The following PTP4A3 variants were observed in gnomAD, a reference collection of about 807,000 sequenced individuals.
PTP4A3 encodes the protein protein tyrosine phosphatase type IVA 3.
Under a neutral mutation model 15.2 loss-of-function variants are expected in PTP4A3, and 9 were observed. The ratio of observed to expected loss-of-function variants is 0.59; its 90% confidence interval spans 0.36 to 1.03. The LOEUF is 1.03. Among genes scored for constraint, PTP4A3 ranks in the 50% least tolerant of loss-of-function variants. PTP4A3 has a pLI of 0.02. For missense variants in PTP4A3, 234 were observed against 252.1 expected (o/e 0.93, Z 0.49); for synonymous variants, 95 against 102.0 (o/e 0.93, Z 0.41).
Position 141,432,004 on chromosome 8 carries a change from T to A in PTP4A3, c.*960T>A, listed in dbSNP as rs999602601. On this transcript the variant is annotated 3_prime_UTR_variant, in exon 6 of 6. Transcript: ENST00000521578. ...TGCCACCTGGGCACCTGGGGCTGGA[T>A]GTGAGAGGCCTGGACCAGGGCCCGC... 6.6e-6 allele frequency: 1 copy of A among 152,150 alleles called. No homozygotes were observed. The highest frequency in any genetic ancestry group is 1.5e-5 in the Non-Finnish European group (1 of 68,100). The allele number at this position is 152,150 out of a possible 1,614,324, so 9.4% of individuals were successfully genotyped here.
chr8:141,417,827 C>T (rs1481781918), intron 1 of PTP4A3, among the ~76,000 whole-genome samples: 1 of 152,012 alleles, frequency 6.6e-6, no homozygotes, highest in Non-Finnish European at 1.5e-5. Context: ...GTGTGGGAGC[C>T]CCCGGCAGCC....
chr8:141,396,707 C>T (rs565324295), intron 1 of PTP4A3, among the ~76,000 whole-genome samples: 4 of 152,278 alleles, frequency 2.6e-5, no homozygotes, highest in African/African-American at 7.2e-5. Context: ...GGTGGGGAGA[C>T]GGTGGCCTCG....
intron 2 of PTP4A3, 99 bp downstream of exon 2, chr8:141,422,444 C>A: frequency 1.5e-6 from 2 of 1,328,948 alleles, no homozygotes; most frequent in Non-Finnish European, 1.1e-6. Flanking sequence ...CCAGCCCCGG[C>A]TGGCCAGACA....
At chr8:141,430,700 G>T (rs1279075588) in intron 5 of PTP4A3, among the ~76,000 whole-genome samples, 4 of 152,158 alleles carry the variant, frequency 2.6e-5, no homozygotes, top group Non-Finnish European at 5.9e-5. Flanking sequence ...GGAGGAGGTG[G>T]CGCTTTGGTG....
At chr8:141,403,854 A>C (rs1185075752) in intron 1 of PTP4A3, among the ~76,000 whole-genome samples, 1 of 152,216 alleles carries the variant, frequency 6.6e-6, no homozygotes, top group Non-Finnish European at 1.5e-5. Context: ...CTGTATTGCC[A>C]CGCATTCGTC....
rs529248892 is a variant in PTP4A3, at chr8:141,405,367, C to T, written c.-854+13283C>T. 1.4e-4 allele frequency among the ~76,000 whole-genome samples: 22 copies of T among 152,338 alleles called. No homozygotes were observed. The South Asian group carries it at 4.6e-3, about 32-fold the overall frequency. On this transcript the variant is annotated intron_variant, in intron 1 of 5. Transcript: ENST00000521578. ...AGACACCCAGCAGACGCTCCTTCCT[C>T]CAGGCCCCCCAACCTCCGGGTCCCT...
chr8:141,426,302 C>T (rs1385783502), intron 3 of PTP4A3, among the ~76,000 whole-genome samples: 1 of 152,216 alleles, frequency 6.6e-6, no homozygotes, highest in Non-Finnish European at 1.5e-5. Flanking sequence ...CTCACGTTGC[C>T]CACCGATCTA....
chr8:141,414,267 G>C (rs1563730818), intron 1 of PTP4A3, among the ~76,000 whole-genome samples: 2 of 152,232 alleles, frequency 1.3e-5, no homozygotes, highest in Non-Finnish European at 2.9e-5. Flanking sequence ...CCACTCGCTG[G>C]ACATTAGGCC....
intron 4 of PTP4A3, 148 bp from the exon 5 acceptor site, chr8:141,427,602 G>T: frequency 1.5e-6 from 1 of 655,820 alleles, no homozygotes; most frequent in Non-Finnish European, 2.6e-6. Flanking sequence ...AGGCTGGGCT[G>T]TGAGGCTGTG....
intron 1 of PTP4A3, among the ~76,000 whole-genome samples, chr8:141,410,232 G>GC (rs1183589338): frequency 1.3e-5 from 2 of 152,366 alleles, no homozygotes; most frequent in African/African-American, 4.8e-5. Flanking sequence ...GGAGGCCCCG[G>GC]CCCCCAGGCT....
intron 1 of PTP4A3, among the ~76,000 whole-genome samples, chr8:141,405,276 C>T (rs545081012): frequency 9.2e-5 from 14 of 152,328 alleles, no homozygotes; most frequent in African/African-American, 3.4e-4. Flanking sequence ...CAGAAGTGGC[C>T]CCCAGTTCTT....
chr8:141,413,890 G>A (rs1237107619), intron 1 of PTP4A3, among the ~76,000 whole-genome samples: 1 of 150,674 alleles, frequency 6.6e-6, no homozygotes, highest in Non-Finnish European at 1.5e-5. Flanking sequence ...AGGACATGGA[G>A]GATTCAGGGC....
chr8:141,426,627 A>G (rs1484723558), intron 3 of PTP4A3: 6 of 985,268 alleles, frequency 6.1e-6, no homozygotes, highest in African/African-American at 1.7e-5. Flanking sequence ...TCGGGCTGAC[A>G]GGTGTGGGGA....
At chr8:141,420,554 G>T (rs530508217) in intron 1 of PTP4A3, among the ~76,000 whole-genome samples, 1 of 152,282 alleles carries the variant, frequency 6.6e-6, no homozygotes, top group South Asian at 2.1e-4. Flanking sequence ...CCCTCTTCAG[G>T]GCCCTGTCAT....
At chr8:141,398,399 C>T (rs111662266) in intron 1 of PTP4A3, among the ~76,000 whole-genome samples, 9 of 152,144 alleles carry the variant, frequency 5.9e-5, no homozygotes, top group African/African-American at 1.2e-4. Flanking sequence ...TGTGGGCAGA[C>T]GGGCGTCTGG....
Position 141,425,181 on chromosome 8 carries a change from C to CCCCGGGG in PTP4A3, c.198+41_198+42insCCCGGGG. On this transcript the variant is annotated intron_variant, in intron 3 of 5. Coordinates refer to ENST00000521578, the MANE Select transcript of PTP4A3 (RefSeq NM_032611.3). The surrounding 1 kb of genome is among the most constrained non-coding windows in gnomAD (Gnocchi z 4.2). ...CGGGGACCCTAGTCACTGCTGCCAC[C>CCCCGGGG]GGGGGAGGGTGGGGCGGGGGGCTCC... is the stretch of plus-strand genomic sequence containing the variant. 2.9e-6 allele frequency: 1 copy of CCCCGGGG among 345,458 alleles called. No homozygotes were observed. The highest frequency in any genetic ancestry group is 3.7e-5 in the Admixed American group (1 of 27,192). 21.4% of individuals were successfully genotyped at this position (345,458 alleles called of 1,614,324 possible). A position where few individuals can be genotyped will look rare whatever the true frequency, so the allele number is the denominator to read the frequency against.
At chr8:141,427,718 C>G in intron 4 of PTP4A3, 32 bp from the exon 5 acceptor site, 1 of 1,541,002 alleles carries the variant, frequency 6.5e-7, no homozygotes, top group Non-Finnish European at 8.8e-7. Context: ...TGCGCAGGCT[C>G]CGATGACCCC....
intron 1 of PTP4A3, among the ~76,000 whole-genome samples, chr8:141,402,328 C>T (rs1240145304): frequency 6.6e-6 from 1 of 152,206 alleles, no homozygotes; most frequent in Non-Finnish European, 1.5e-5. Flanking sequence ...GGGAGGGCTC[C>T]CCCAGATAAC....
rs371438862 is a variant in PTP4A3, at chr8:141,422,233, G to C, written c.-8G>C. The stretch of plus-strand genomic sequence containing the variant: ...CCTTCTGCCCTGCCGGGCCCGTCGG[G>C]AGGCGCCATGGCTCGGATGAACCGC... On this transcript the variant is annotated 5_prime_UTR_variant, in exon 2 of 6. Coordinates refer to ENST00000521578, the MANE Select transcript of PTP4A3 (RefSeq NM_032611.3). 1 of 1,612,958 alleles carries C rather than the reference G, an allele frequency of 6.2e-7. No individual in the cohort carries two copies. Among genetic ancestry groups the C allele is most frequent in the Non-Finnish European group, 8.5e-7 (1 of 1,179,968 alleles).
Sources: allele counts gnomAD v4.1 joint callset (sites outside exome capture counted in the v4.1 genomes callset), GRCh38; gene constraint gnomAD v4.1.1; non-coding constraint Gnocchi (gnomAD v3.1); transcripts MANE v1.5; gene names NCBI Gene and HGNC (gene_info 2026-07-23, HGNC 2026-07-21).